The following FOXP1 variants were observed in gnomAD, a reference collection of about 807,000 sequenced individuals.
The protein encoded by FOXP1 is forkhead box P1.
A neutral mutation model predicts 98.2 loss-of-function variants in FOXP1; 15 were observed. That is an observed-to-expected ratio of 0.15 (90% CI 0.10 to 0.24). The LOEUF (loss-of-function observed/expected upper bound fraction) is 0.24. Among genes scored for constraint, FOXP1 ranks in the 10% least tolerant of loss-of-function variants. The pLI is 1.00. For missense variants in FOXP1, 633 were observed against 848.5 expected, an observed-to-expected ratio of 0.75 and a Z score of 3.15; for synonymous variants, 371 against 314.5, an observed-to-expected ratio of 1.18 and a Z score of -1.90.
rs1197406012 is a variant in FOXP1 at position 70,957,407 on chromosome 3, T to C, written c.*1840A>G. ...GGTTGCAATAGCCTATCGCTTGTCATTTGCCTCTAAATTCTTTTGCCTCCT... is the reference window on the plus strand; with the variant it reads ...GGTTGCAATAGCCTATCGCTTGTCACTTGCCTCTAAATTCTTTTGCCTCCT... On this transcript the variant is annotated 3_prime_UTR_variant, in exon 21 of 21. Transcript: ENST00000649528. The C allele has an allele frequency of 1.7e-5, 4 of 229,692 alleles. No homozygotes were observed. In the Admixed American group the frequency reaches 2.3e-4, roughly 13 times the overall value. The allele number at this position is 229,692 out of a possible 1,614,324, so 14.2% of individuals were successfully genotyped here.
chr3:71,554,419 A>T (rs2107688019), intron 2 of FOXP1, among the ~76,000 whole-genome samples: 1 of 152,308 alleles, frequency 6.6e-6, no homozygotes, highest in East Asian at 1.9e-4. Flanking sequence ...AAATAACTTT[A>T]TGTTCAATGT....
At chr3:71,401,694 C>T (rs117740649) in intron 3 of FOXP1, among the ~76,000 whole-genome samples, 4 of 152,330 alleles carry the variant, frequency 2.6e-5, no homozygotes, top group East Asian at 3.8e-4. Flanking sequence ...ACTGTCTCTG[C>T]TCTAGTGCTG....
In FOXP1 at chr3:71,452,757, T is replaced by A. The variant is rs534035931; in HGVS notation, c.-168+40669A>T. On this transcript the variant is annotated intron_variant, in intron 3 of 20. Coordinates refer to ENST00000649528, the MANE Select transcript of FOXP1 (RefSeq NM_001349338.3). ...GATAGCTTTTCAGTTGCTGACAAAA[T>A]CAGCTGGTGTTCCCAGAAAATGAAA... Among the ~76,000 whole-genome samples, 189 of 152,246 alleles carry A rather than the reference T, an allele frequency of 1.2e-3. 1 individual carries two copies. Among genetic ancestry groups the A allele is most frequent in the Non-Finnish European group, 2.2e-4 (15 of 68,014 alleles).
At chr3:71,068,553 G>A (rs1157316876) in intron 7 of FOXP1, among the ~76,000 whole-genome samples, 1 of 152,130 alleles carries the variant, frequency 6.6e-6, no homozygotes, top group Non-Finnish European at 1.5e-5. Context: ...CTAGAGAAAG[G>A]ATACGAGCAT....
chr3:71,416,414 C>T (rs1372840914), intron 3 of FOXP1, among the ~76,000 whole-genome samples: 3 of 151,974 alleles, frequency 2.0e-5, no homozygotes, highest in African/African-American at 4.8e-5. Flanking sequence ...TGGTGGTGTA[C>T]ACCACCTGTA....
At chr3:71,391,843 T>G (rs1409875146) in intron 3 of FOXP1, among the ~76,000 whole-genome samples, 1 of 152,190 alleles carries the variant, frequency 6.6e-6, no homozygotes, top group Non-Finnish European at 1.5e-5. Context: ...TGCTGCTCTC[T>G]CTCTGTGCTG....
At chr3:71,074,050 T>C (rs987223435) in intron 7 of FOXP1, among the ~76,000 whole-genome samples, 3 of 151,966 alleles carry the variant, frequency 2.0e-5, no homozygotes, top group African/African-American at 7.3e-5. Flanking sequence ...AAAGGGAAAA[T>C]GAGGGAAGGC....
chr3:71,008,143 G>A (rs901311844), intron 12 of FOXP1, among the ~76,000 whole-genome samples: 1 of 152,112 alleles, frequency 6.6e-6, no homozygotes, highest in Non-Finnish European at 1.5e-5. Flanking sequence ...TTTCCCCCAA[G>A]CACATAAGAG....
At chr3:71,510,180 C>CA (rs1459881297) in intron 2 of FOXP1, among the ~76,000 whole-genome samples, 1 of 150,912 alleles carries the variant, frequency 6.6e-6, no homozygotes, top group Non-Finnish European at 1.5e-5. Context: ...GACTCTGTCT[C>CA]AAAAAATAAA....
chr3:71,210,076 G>A (rs1003897603), intron 5 of FOXP1, among the ~76,000 whole-genome samples: 2 of 152,158 alleles, frequency 1.3e-5, no homozygotes, highest in African/African-American at 4.8e-5. Context: ...CACCTAAGTG[G>A]ATTCTGGCAA....
chr3:71,201,869 A>C (rs1326590335), intron 5 of FOXP1, among the ~76,000 whole-genome samples: 1 of 152,196 alleles, frequency 6.6e-6, no homozygotes, highest in Non-Finnish European at 1.5e-5. Flanking sequence ...TCCCCAAAAG[A>C]CAACAACATT....
chr3:71,223,909 G>A (rs1021753174), intron 5 of FOXP1, among the ~76,000 whole-genome samples: 1 of 152,060 alleles, frequency 6.6e-6, no homozygotes, highest in Non-Finnish European at 1.5e-5. Context: ...ATGGATAGGT[G>A]GATAGCTCAT....
intron 3 of FOXP1, among the ~76,000 whole-genome samples, chr3:71,375,592 TTGGA>T (rs1174264131): frequency 6.6e-6 from 1 of 152,214 alleles, no homozygotes; most frequent in Non-Finnish European, 1.5e-5. Flanking sequence ...ATCTGAGAAC[TTGGA>T]TGTATCCCCA....
At chr3:71,266,893 A>C (rs932352646) in intron 5 of FOXP1, among the ~76,000 whole-genome samples, 1 of 152,248 alleles carries the variant, frequency 6.6e-6, no homozygotes, top group Non-Finnish European at 1.5e-5. Flanking sequence ...TGCAGTAAGA[A>C]ACATGATTTC....
intron 5 of FOXP1, among the ~76,000 whole-genome samples, chr3:71,255,636 C>A (rs939211372): frequency 8.6e-5 from 13 of 152,004 alleles, no homozygotes; most frequent in Non-Finnish European, 1.9e-4. Flanking sequence ...TGTTTATTAG[C>A]AAAAGAAATG....
Position 70,978,023 on chromosome 3 carries a change from G to T in FOXP1, c.1153C>A (p.Leu385Met). 1 of 1,613,850 alleles carries T rather than the reference G, an allele frequency of 6.2e-7. No homozygotes were observed. The highest frequency in any genetic ancestry group is 2.2e-5 in the East Asian group (1 of 44,880). The change falls in exon 15 of 21, where the codon CTG becomes ATG. Residue 385 changes from leucine (L) to methionine (M), a missense_variant. Coordinates refer to ENST00000649528, the MANE Select transcript of FOXP1 (RefSeq NM_001349338.3). ...TTGGAGAGAGTGACACTTGATACCA[G>T]ATTCAACTGCAAGGAAAAAAACAAC... ...EPKAAPQPLN[L>M]VSSVTLSKSA...
intron 3 of FOXP1, among the ~76,000 whole-genome samples, chr3:71,457,448 G>A (rs139710995): frequency 5.3e-5 from 8 of 152,020 alleles, no homozygotes; most frequent in East Asian, 3.9e-4. Context: ...AAATATCCTC[G>A]GTAATCACAA....
intron 7 of FOXP1, among the ~76,000 whole-genome samples, chr3:71,059,799 C>G (rs2051220524): frequency 6.6e-6 from 1 of 152,094 alleles, no homozygotes; most frequent in Non-Finnish European, 1.5e-5. Flanking sequence ...AGAAAAGATT[C>G]TATCCACAGA....
intron 5 of FOXP1, among the ~76,000 whole-genome samples, chr3:71,238,112 G>A (rs1191767347): frequency 2.6e-5 from 4 of 152,182 alleles, no homozygotes; most frequent in Admixed American, 2.0e-4. Context: ...TAAACAGTAA[G>A]TTAACTAATT....
Sources: gnomAD v4.1 joint callset for allele counts (sites outside exome capture counted in the v4.1 genomes callset) on GRCh38, gnomAD v4.1.1 for gene constraint, MANE v1.5 for transcripts, NCBI Gene and HGNC (gene_info 2026-07-23, HGNC 2026-07-21) for gene names.